GPR158: variants seen among roughly 807,000 people sequenced by gnomAD.
The protein encoded by GPR158 is metabotropic glycine receptor.
In GPR158, 30 loss-of-function variants were observed where a neutral mutation model predicts 78.2. The ratio of observed to expected loss-of-function variants is 0.38; its 90% CI spans 0.29 to 0.52. The LOEUF (loss-of-function observed/expected upper bound fraction) is 0.52, where lower values mean the gene tolerates loss of function less well. Ranked by LOEUF, GPR158 falls within the 20% of genes least tolerant of loss-of-function variation. The probability of loss-of-function intolerance (pLI) is 0.83; values close to 1 mark genes in which losing one functional copy is unlikely to be tolerated. For synonymous variants in GPR158, 581 were observed against 591.1 expected, an observed-to-expected ratio of 0.98 and a Z score of 0.25; for missense variants, 1,463 against 1,523.5, an observed-to-expected ratio of 0.96 and a Z score of 0.66.
chr10:25,445,506 A>G (rs1167697586), intron 4 of GPR158, among the ~76,000 whole-genome samples: 1 of 152,230 alleles, frequency 6.6e-6, no homozygotes, highest in Non-Finnish European at 1.5e-5. Context: ...AAAGAAAATG[A>G]CATGGTTACA....
At chr10:25,234,463 C>T (rs1269277550) in intron 2 of GPR158, among the ~76,000 whole-genome samples, 1 of 152,152 alleles carries the variant, frequency 6.6e-6, no homozygotes, top group African/African-American at 2.4e-5. Flanking sequence ...TATTATTTCA[C>T]TTATATAGCT....
chr10:25,330,275 C>A (rs1855099547), intron 2 of GPR158, among the ~76,000 whole-genome samples: 1 of 152,088 alleles, frequency 6.6e-6, no homozygotes, highest in Non-Finnish European at 1.5e-5. Flanking sequence ...CTAACACGGC[C>A]CCTCTTTTTA....
intron 1 of GPR158, among the ~76,000 whole-genome samples, chr10:25,212,546 T>G (rs867881174): frequency 1.3e-5 from 2 of 152,232 alleles, no homozygotes; most frequent in African/African-American, 4.8e-5. Context: ...TTCAGATCAT[T>G]TATTGTTCTT....
rs34088676 is a variant in GPR158, at chr10:25,348,396, GACACACACACACACAC to G, written c.1009-47490_1009-47475del. On this transcript the variant is annotated intron_variant, in intron 2 of 10. Coordinates refer to ENST00000376351, the MANE Select transcript of GPR158 (RefSeq NM_020752.3). ...CCAGAAATGAAATTTTAGGAAGAAA[GACACACACACACACAC>G]ACACACACACACACACACACACACG... is the stretch of plus-strand genomic sequence containing the variant. Among the ~76,000 whole-genome samples, 29 of 141,788 alleles carry G rather than the reference GACACACACACACACAC, an allele frequency of 2.0e-4. No individual in the cohort carries two copies. In the South Asian group the frequency reaches 2.3e-3, roughly 11 times the overall value. The allele number at this position is 141,788 out of a possible 152,430, so 93.0% of individuals were successfully genotyped here.
intron 4 of GPR158, among the ~76,000 whole-genome samples, chr10:25,422,537 G>A (rs1477618591): frequency 1.3e-5 from 2 of 151,242 alleles, no homozygotes; most frequent in Non-Finnish European, 2.9e-5. Context: ...AAAATGGTTG[G>A]AAACTGCTGC....
At chr10:25,279,978 A>G in intron 2 of GPR158, among the ~76,000 whole-genome samples, 1 of 152,216 alleles carries the variant, frequency 6.6e-6, no homozygotes, top group South Asian at 2.1e-4. Context: ...AAAAAAAAAA[A>G]AAGAAAATAT....
At position 25,500,035 on chromosome 10, in the gene GPR158, T is replaced by C. The variant is rs192526897; in HGVS notation, c.1404+33316T>C. Among the ~76,000 whole-genome samples, 995 of 152,342 alleles carry C rather than the reference T, an allele frequency of 6.5e-3. 12 individuals are homozygous for C. The highest frequency in any genetic ancestry group is 0.022 in the African/African-American group (923 of 41,576). On this transcript the variant is annotated intron_variant, in intron 5 of 10. Coordinates refer to ENST00000376351, the MANE Select transcript of GPR158 (RefSeq NM_020752.3). ...TGATTTTAGCATATGATTAACCAGA[T>C]TTTTAAAAGAGACTAAATCCATTTG... is the stretch of plus-strand genomic sequence containing the variant.
At chr10:25,240,457 C>G (rs540498802) in intron 2 of GPR158, among the ~76,000 whole-genome samples, 1 of 152,304 alleles carries the variant, frequency 6.6e-6, no homozygotes, top group African/African-American at 2.4e-5. Flanking sequence ...TGTAGTGAGC[C>G]TAGATCGTGC....
At chr10:25,206,239 G>A (rs537800937) in intron 1 of GPR158, among the ~76,000 whole-genome samples, 19 of 152,114 alleles carry the variant, frequency 1.2e-4, no homozygotes, top group African/African-American at 3.1e-4. Context: ...CGCCTGTCTC[G>A]GCCTCCCAAA....
At chr10:25,371,247 C>T (rs1833987155) in intron 2 of GPR158, among the ~76,000 whole-genome samples, 2 of 151,030 alleles carry the variant, frequency 1.3e-5, no homozygotes, top group African/African-American at 4.9e-5. Context: ...TTAGTTGATG[C>T]AGTTTCTTCC....
In GPR158 at chr10:25,301,577, T is replaced by C. The variant is rs554937578; in HGVS notation, c.1008+80420T>C. Among the ~76,000 whole-genome samples, 10 of 152,110 alleles carry C rather than the reference T, an allele frequency of 6.6e-5. No homozygotes were observed. In the East Asian group the frequency reaches 1.9e-3, roughly 29 times the overall value. On this transcript the variant is annotated intron_variant, in intron 2 of 10. Coordinates refer to ENST00000376351, the MANE Select transcript of GPR158 (RefSeq NM_020752.3). ...TAAATTATATTGTGTGTGTTGGGATTGTGAGGAATTTGTGAAAAAGTAGAA... is the reference window on the plus strand; with the variant it reads ...TAAATTATATTGTGTGTGTTGGGATCGTGAGGAATTTGTGAAAAAGTAGAA...
chr10:25,241,323 TCTC>T (rs1853618934), intron 2 of GPR158, among the ~76,000 whole-genome samples: 2 of 141,924 alleles, frequency 1.4e-5, no homozygotes, highest in African/African-American at 5.7e-5. Flanking sequence ...TCTCTTCTCT[TCTC>T]TTCTCTTCTC....
intron 1 of GPR158, among the ~76,000 whole-genome samples, chr10:25,214,351 G>A (rs2148209): frequency 0.047 from 7,183 of 152,170 alleles, 492 homozygotes; most frequent in African/African-American, 0.15. Context: ...TAACTAGAAA[G>A]TTTTTAAAGC....
intron 1 of GPR158, among the ~76,000 whole-genome samples, chr10:25,189,866 G>GTGTT (rs1852748860): frequency 6.7e-6 from 1 of 150,280 alleles, no homozygotes; most frequent in African/African-American, 2.5e-5. Flanking sequence ...GTGTGTGTGT[G>GTGTT]TGTGTGTATG....
intron 2 of GPR158, among the ~76,000 whole-genome samples, chr10:25,350,503 T>A (rs1855444130): frequency 6.6e-6 from 1 of 152,002 alleles, no homozygotes; most frequent in African/African-American, 2.4e-5. Context: ...GTCATATTTG[T>A]GGAGCTACAA....
At chr10:25,241,226 TCTTTC>T (rs1418126641) in intron 2 of GPR158, among the ~76,000 whole-genome samples, 1 of 123,742 alleles carries the variant, frequency 8.1e-6, no homozygotes, top group Non-Finnish European at 1.7e-5. Context: ...CTTTCCTTTT[TCTTTC>T]CTTTCTTTCC....
chr10:25,385,429 G>T (rs539935060), intron 2 of GPR158, among the ~76,000 whole-genome samples: 1 of 152,202 alleles, frequency 6.6e-6, no homozygotes, highest in Admixed American at 6.5e-5. Context: ...CTATGAATAT[G>T]GGTATGCAAA....
At chr10:25,228,057 C>G (rs574948115) in intron 2 of GPR158, among the ~76,000 whole-genome samples, 1 of 152,198 alleles carries the variant, frequency 6.6e-6, no homozygotes, top group East Asian at 1.9e-4. Context: ...TTTTTCTCTA[C>G]TTCTACTTTA....
At chr10:25,428,769 T>G (rs1834856974) in intron 4 of GPR158, among the ~76,000 whole-genome samples, 2 of 152,054 alleles carry the variant, frequency 1.3e-5, no homozygotes, top group South Asian at 2.1e-4. Flanking sequence ...TAATTAAAAT[T>G]TATGTCATTT....
Sources: gnomAD v4.1 joint callset for allele counts (sites outside exome capture counted in the v4.1 genomes callset) on GRCh38, gnomAD v4.1.1 for gene constraint, MANE v1.5 for transcripts, NCBI Gene and HGNC (gene_info 2026-07-23, HGNC 2026-07-21) for gene names.